BCL6: variants seen among roughly 807,000 people sequenced by gnomAD.
BCL6 encodes the protein B-cell lymphoma 6 protein.
In BCL6, 7 loss-of-function variants were observed where a neutral mutation model predicts 59.5. The ratio of observed to expected loss-of-function variants is 0.12; its 90% CI spans 0.07 to 0.22. The LOEUF is 0.22. BCL6 is among the 10% of genes least tolerant of loss of function. BCL6 has a pLI of 1.00. For missense variants in BCL6, 685 were observed against 939.4 expected (o/e 0.73, Z 3.54); for synonymous variants, 339 against 349.7 (o/e 0.97, Z 0.34).
chr3:187,744,006 C>T, intron 1 of BCL6, among the ~76,000 whole-genome samples: 1 of 152,280 alleles, frequency 6.6e-6, no homozygotes, highest in African/African-American at 2.4e-5. Context: ...ACATAAGGAA[C>T]GCGGGCTGGG....
chr3:187,740,649 C>G (rs1470701030), intron 1 of BCL6, among the ~76,000 whole-genome samples: 1 of 152,176 alleles, frequency 6.6e-6, no homozygotes, highest in Non-Finnish European at 1.5e-5. Context: ...AAGTCACTAA[C>G]TCACCACTAA....
In BCL6 at chr3:187,732,028, T is replaced by C. The variant is rs775314708; in HGVS notation, c.162-98A>G. 8.1e-6 allele frequency: 8 copies of C among 984,520 alleles called. No individual in the cohort carries two copies. In the Admixed American group the frequency reaches 1.5e-4, roughly 19 times the overall value. 61.0% of individuals were successfully genotyped at this position (984,520 alleles called of 1,614,324 possible). A position where few individuals can be genotyped will look rare whatever the true frequency, so the allele number is the denominator to read the frequency against. On this transcript the variant is annotated intron_variant, in intron 3 of 9. Transcript: ENST00000406870. ...TCAGCCCCTTTCCCCTGGGCCTACC[T>C]CCAGAACTTCTACGGTAATTAATAA...
Position 187,732,118 on chromosome 3 carries a change from G to A in BCL6, c.162-188C>T, listed in dbSNP as rs138061808. 5.8e-4 allele frequency among the ~76,000 whole-genome samples: 89 copies of A among 152,238 alleles called. 3 individuals carry two copies. The East Asian group carries it at 0.015, about 25-fold the overall frequency. The stretch of plus-strand genomic sequence containing the variant: ...CATTAAGCACCTTACATACATTATC[G>A]TTTGCTCCTTACAACGCTGCAAGGT... On this transcript the variant is annotated intron_variant, in intron 3 of 9. Transcript: ENST00000406870.
intron 1 of BCL6, among the ~76,000 whole-genome samples, chr3:187,738,272 A>T (rs1299883801): frequency 6.6e-6 from 1 of 151,882 alleles, no homozygotes; most frequent in East Asian, 1.9e-4. Context: ...CCGTTCTTTT[A>T]GGGGAATGTT....
chr3:187,745,451 T>G lies in BCL6; in HGVS notation c.-91A>C, dbSNP rs2108486001. The G allele has an allele frequency of 2.5e-6, 1 of 399,512 alleles. No individual in the cohort carries two copies. The highest frequency in any genetic ancestry group is 3.6e-5 in the East Asian group (1 of 28,084). The allele number at this position is 399,512 out of a possible 1,614,324, so 24.7% of individuals were successfully genotyped here. A position where few individuals can be genotyped will look rare whatever the true frequency, so the allele number is the denominator to read the frequency against. ...CCTAGAAACTTCTTGCATCACCACT[T>G]CTAAGAACCCCAGTTCTAAGAATCA... On this transcript the variant is annotated 5_prime_UTR_variant, in exon 1 of 10. Transcript: ENST00000406870.
Position 187,730,036 on chromosome 3 carries a change from A to G in BCL6, c.384-15T>C. The G allele has an allele frequency of 6.5e-7, 1 of 1,531,288 alleles. No individual in the cohort carries two copies. The allele number at this position is 1,531,288 out of a possible 1,614,324, so 94.9% of individuals were successfully genotyped here. A position where few individuals can be genotyped will look rare whatever the true frequency, so the allele number is the denominator to read the frequency against. The stretch of plus-strand genomic sequence containing the variant: ...TCTCTGCTTCACTGTGAAAGAAAAA[A>G]AGAGGAAAGACACCGGCCCCAAATC... On this transcript the variant is annotated splice_polypyrimidine_tract_variant and intron_variant, in intron 4 of 9. Transcript: ENST00000406870.
At chr3:187,738,536 G>A (rs1372418663) in intron 1 of BCL6, among the ~76,000 whole-genome samples, 1 of 152,182 alleles carries the variant, frequency 6.6e-6, no homozygotes, top group African/African-American at 2.4e-5. Flanking sequence ...CCGGGGCCCC[G>A]ACCCCTGCGC....
chr3:187,726,594 C>T (rs577878103), intron 7 of BCL6, 137 bp downstream of exon 7: 3 of 1,239,956 alleles, frequency 2.4e-6, no homozygotes, highest in African/African-American at 1.5e-5. Context: ...TTAGACCCCT[C>T]GTTCAGGCCA....
intron 9 of BCL6, 97 bp downstream of exon 9, chr3:187,724,844 A>G: frequency 6.9e-7 from 1 of 1,455,748 alleles, no homozygotes; most frequent in Non-Finnish European, 9.3e-7. Flanking sequence ...AAACAGTTCC[A>G]CTGCCTCCCT....
intron 3 of BCL6, among the ~76,000 whole-genome samples, chr3:187,732,151 A>G (rs1719078148): frequency 6.6e-6 from 1 of 152,218 alleles, no homozygotes; most frequent in South Asian, 2.1e-4. Flanking sequence ...GGTAGGTACT[A>G]TCACTCTCTG....
At chr3:187,745,214 A>G (rs548545456) in intron 1 of BCL6, among the ~76,000 whole-genome samples, 196 bp downstream of exon 1, 7 of 152,288 alleles carry the variant, frequency 4.6e-5, no homozygotes, top group South Asian at 2.1e-4. Context: ...GACAGCTAGA[A>G]TAAATAAATA....
chr3:187,735,905 T>C (rs1719261365), intron 1 of BCL6, among the ~76,000 whole-genome samples: 2 of 151,904 alleles, frequency 1.3e-5, no homozygotes, highest in South Asian at 4.2e-4. Flanking sequence ...AACAAGGTCA[T>C]GTTGGGCCAT....
At chr3:187,742,419 T>A (rs1255044722) in intron 1 of BCL6, among the ~76,000 whole-genome samples, 1 of 152,214 alleles carries the variant, frequency 6.6e-6, no homozygotes, top group Non-Finnish European at 1.5e-5. Context: ...AATAAGTTAG[T>A]CTTTTCAAGA....
chr3:187,742,644 T>C (rs1711649671), intron 1 of BCL6, among the ~76,000 whole-genome samples: 1 of 151,744 alleles, frequency 6.6e-6, no homozygotes, highest in Non-Finnish European at 1.5e-5. Context: ...ATTTATAAGC[T>C]TGGGGTGGCG....
chr3:187,744,611 G>C (rs1711798805), intron 1 of BCL6, among the ~76,000 whole-genome samples: 1 of 152,044 alleles, frequency 6.6e-6, no homozygotes, highest in African/African-American at 2.4e-5. Context: ...GAGTTCGCTT[G>C]CATTTTTTCC....
In BCL6 at chr3:187,739,297, G is replaced by A. The variant is rs181900021; in HGVS notation, c.-49-4390C>T. ...TGAACCCCGCATCAGGGGCCCTGCC[G>A]TGGGGCTCCCGGTCTCAGCAGTGTT... On this transcript the variant is annotated intron_variant, in intron 1 of 9. Coordinates refer to ENST00000406870, the MANE Select transcript of BCL6 (RefSeq NM_001706.5). Among the ~76,000 whole-genome samples, 298 of 152,380 alleles carry A rather than the reference G, an allele frequency of 2.0e-3. 1 individual carries two copies. Among genetic ancestry groups the A allele is most frequent in the African/African-American group, 7.0e-3 (292 of 41,594 alleles).
chr3:187,738,649 G>A (rs61738681), intron 1 of BCL6, among the ~76,000 whole-genome samples: 2,453 of 152,248 alleles, frequency 0.016, 61 homozygotes, highest in African/African-American at 0.056. Flanking sequence ...CAGGCTCCGG[G>A]GTGCGCTTTC....
At chr3:187,744,868 C>T (rs544656231) in intron 1 of BCL6, among the ~76,000 whole-genome samples, 8 of 152,218 alleles carry the variant, frequency 5.3e-5, no homozygotes, top group South Asian at 2.1e-4. Context: ...CGCACGAATC[C>T]AGAGAGATCA....
intron 6 of BCL6, 83 bp downstream of exon 6, chr3:187,728,277 C>T: frequency 7.4e-7 from 1 of 1,351,426 alleles, no homozygotes; most frequent in Non-Finnish European, 1.0e-6. Context: ...GAGACAACAG[C>T]ATAAGTAAAA....
Sources: allele counts gnomAD v4.1 joint callset (sites outside exome capture counted in the v4.1 genomes callset), GRCh38; gene constraint gnomAD v4.1.1; transcripts MANE v1.5; gene names NCBI Gene and HGNC (gene_info 2026-07-23, HGNC 2026-07-21).